ACOT11: variants seen among roughly 807,000 people sequenced by gnomAD.
ACOT11 encodes the protein acyl-CoA thioesterase 11.
ACOT11 carries 69 observed loss-of-function variants against 77.5 expected under a neutral mutation model. The observed-to-expected ratio is 0.89, with a 90% CI of 0.73 to 1.09. The LOEUF is 1.09. ACOT11 is among the 50% of genes least tolerant of loss of function. ACOT11 has a pLI of 0.00. For synonymous variants in ACOT11, 279 were observed against 313.0 expected (o/e 0.89, Z 1.15); for missense variants, 766 against 813.7 (o/e 0.94, Z 0.71).
At chr1:54,610,658 A>G, downstream of ACOT11, 3 of 1,498,702 alleles carry the variant, frequency 2.0e-6, no homozygotes, top group Non-Finnish European at 2.7e-6. Flanking sequence ...CATCCTCTCT[A>G]AGCCTCATAG....
At chr1:54,608,115 A>G (rs752827016) in intron 15 of ACOT11, 47 bp downstream of exon 15, 3 of 1,581,360 alleles carry the variant, frequency 1.9e-6, no homozygotes, top group Non-Finnish European at 2.6e-6. Context: ...CTCCACCCCA[A>G]CACCACACGT....
intron 8 of ACOT11, 100 bp downstream of exon 8, chr1:54,599,515 C>T (rs2100997707): frequency 7.9e-7 from 1 of 1,271,270 alleles, no homozygotes; most frequent in East Asian, 3.1e-5. Context: ...AGCCCTTTGC[C>T]CTGCAGACAG....
chr1:54,554,572 G>A (rs1653196805), intron 1 of ACOT11, among the ~76,000 whole-genome samples: 1 of 151,308 alleles, frequency 6.6e-6, no homozygotes. Flanking sequence ...GACCAGGCTG[G>A]TCTTGAACTC....
chr1:54,549,452 G>A (rs1238603882), intron 1 of ACOT11, among the ~76,000 whole-genome samples: 1 of 152,094 alleles, frequency 6.6e-6, no homozygotes, highest in Admixed American at 6.6e-5. Context: ...TGTTGTACTT[G>A]CTATGTCTTC....
At position 54,603,916 on chromosome 1, in the gene ACOT11, C is replaced by G. The variant is rs1472037330; in HGVS notation, c.1131C>G (p.Val377=). 1.1e-5 allele frequency: 18 copies of G among 1,614,018 alleles called. No homozygotes were observed. The highest frequency in any genetic ancestry group is 1.5e-5 in the Non-Finnish European group (18 of 1,180,006). ...SCKQTEVPLS[V]PWDPSNQVYL... ...AGCAGACAGAGGTGCCCCTCTCCGT[C>G]CCCTGGGACCCTAGCAACCAGGTAA... is the stretch of plus-strand genomic sequence containing the variant. The change falls in exon 11 of 16, where the codon GTC becomes GTG. Residue 377 remains valine (V), a synonymous_variant. Transcript: ENST00000343744.
downstream of ACOT11, chr1:54,612,557 G>GGTGA: frequency 6.2e-7 from 1 of 1,614,070 alleles, no homozygotes. Context: ...GTACAGGGAA[G>GGTGA]GTGACCCTCT....
At chr1:54,620,441 C>T (rs1415147410) in intron 15 of ACOT11, among the ~76,000 whole-genome samples, 3 of 152,102 alleles carry the variant, frequency 2.0e-5, no homozygotes, top group African/African-American at 7.2e-5. Context: ...CATGGTGGCT[C>T]ATGCCTGTAA....
intron 6 of ACOT11, 36 bp downstream of exon 6, chr1:54,594,727 T>G (rs1245090903): frequency 6.9e-6 from 11 of 1,587,254 alleles, no homozygotes; most frequent in African/African-American, 1.3e-5. Flanking sequence ...GGAGGGTAGC[T>G]GGCGTCCTGC....
At chr1:54,631,932 C>T (rs376881508) in intron 16 of ACOT11, among the ~76,000 whole-genome samples, 12 of 152,176 alleles carry the variant, frequency 7.9e-5, no homozygotes, top group African/African-American at 2.2e-4. Context: ...ATGATGGTAT[C>T]GGAGGTAATC....
At chr1:54,562,739 C>A (rs1165212875) in intron 1 of ACOT11, among the ~76,000 whole-genome samples, 1 of 76,250 alleles carries the variant, frequency 1.3e-5, no homozygotes, top group Non-Finnish European at 2.7e-5. Context: ...GGGTCTCGGC[C>A]GGGCAGAGGC....
intron 1 of ACOT11, among the ~76,000 whole-genome samples, chr1:54,562,670 G>C (rs78478208): frequency 0.049 from 5,708 of 116,946 alleles, 124 homozygotes; most frequent in African/African-American, 0.17. Context: ...GCCAGGCAGA[G>C]GGTCTCCTCA....
At chr1:54,581,667 G>A (rs1654313671) in intron 1 of ACOT11, among the ~76,000 whole-genome samples, 2 of 152,168 alleles carry the variant, frequency 1.3e-5, no homozygotes, top group African/African-American at 4.8e-5. Flanking sequence ...TCCGACCTCT[G>A]GGTGTCCTCC....
At chr1:54,599,251 A>T in intron 7 of ACOT11, 45 bp from the exon 8 acceptor site, 1 of 1,285,282 alleles carries the variant, frequency 7.8e-7, no homozygotes. Context: ...TAGTGGCTGA[A>T]GCACCAGGGG....
At chr1:54,631,485 T>C (rs1644299588) in intron 16 of ACOT11, among the ~76,000 whole-genome samples, 1 of 152,200 alleles carries the variant, frequency 6.6e-6, no homozygotes, top group Admixed American at 6.5e-5. Flanking sequence ...TAACTCCTGC[T>C]CAGTTCTTAC....
intron 15 of ACOT11, among the ~76,000 whole-genome samples, chr1:54,622,845 AT>A (rs1309220950): frequency 6.5e-4 from 1 of 1,528 alleles, no homozygotes; most frequent in East Asian, 0.019. Context: ...AGAGCTGTGG[AT>A]GGGGGAATGA....
chr1:54,581,158 G>A (rs1482673072), intron 1 of ACOT11, among the ~76,000 whole-genome samples: 2 of 152,212 alleles, frequency 1.3e-5, no homozygotes, highest in African/African-American at 4.8e-5. Context: ...CTCCCCGAAA[G>A]GAAGGTAGTT....
chr1:54,611,674 T>C, downstream of ACOT11: 1 of 1,614,076 alleles, frequency 6.2e-7, no homozygotes, highest in Non-Finnish European at 8.5e-7. Context: ...GACAGCAGTG[T>C]TATCCCGGAC....
intron 1 of ACOT11, among the ~76,000 whole-genome samples, chr1:54,565,279 T>C (rs757710101): frequency 2.6e-5 from 4 of 152,174 alleles, no homozygotes; most frequent in African/African-American, 4.8e-5. Context: ...CTGGGTGGGA[T>C]CCACAGGTCG....
chr1:54,611,415 T>A (rs1013452886), downstream of ACOT11, among the ~76,000 whole-genome samples: 5 of 151,946 alleles, frequency 3.3e-5, no homozygotes, highest in Admixed American at 2.0e-4. Context: ...AATAAATAAA[T>A]AAAAATAAAA....
Sources: allele counts gnomAD v4.1 joint callset (sites outside exome capture counted in the v4.1 genomes callset), GRCh38; gene constraint gnomAD v4.1.1; transcripts MANE v1.5; gene names NCBI Gene and HGNC (gene_info 2026-07-23, HGNC 2026-07-21).